NELL1: variants seen among roughly 807,000 people sequenced by gnomAD.
The protein encoded by NELL1 is protein kinase C-binding protein NELL1.
Under a neutral mutation model 107.4 loss-of-function variants are expected in NELL1, and 76 were observed. The ratio of observed to expected loss-of-function variants is 0.71; its 90% CI spans 0.59 to 0.86. The LOEUF is 0.86. Among genes scored for constraint, NELL1 ranks in the 40% least tolerant of loss-of-function variants. NELL1 has a pLI of 0.00. For synonymous variants in NELL1, 353 were observed against 341.2 expected (o/e 1.03, Z -0.38); for missense variants, 1,024 against 1,005.5 (o/e 1.02, Z -0.25).
chr11:21,462,993 G>T (rs947550354), intron 15 of NELL1, among the ~76,000 whole-genome samples: 6 of 152,004 alleles, frequency 3.9e-5, no homozygotes, highest in African/African-American at 2.4e-5. Flanking sequence ...GGCCAGGAAA[G>T]CATCGTAGTT....
At chr11:20,855,918 G>C (rs534619318) in intron 4 of NELL1, among the ~76,000 whole-genome samples, 1 of 152,340 alleles carries the variant, frequency 6.6e-6, no homozygotes, top group South Asian at 2.1e-4. Flanking sequence ...CAGTGCATTA[G>C]TTTTCCAGAT....
intron 15 of NELL1, among the ~76,000 whole-genome samples, chr11:21,518,646 C>T (rs1005332509): frequency 1.3e-5 from 2 of 152,114 alleles, no homozygotes; most frequent in Admixed American, 6.5e-5. Flanking sequence ...AGAAGTGAAA[C>T]GTAGTCCCTT....
At chr11:21,132,702 C>T (rs1280608452) in intron 13 of NELL1, among the ~76,000 whole-genome samples, 1 of 151,994 alleles carries the variant, frequency 6.6e-6, no homozygotes, top group East Asian at 1.9e-4. Context: ...ACAGCCCTGG[C>T]TCGGGGAGCC....
chr11:20,987,279 C>T (rs1490516344), intron 12 of NELL1, among the ~76,000 whole-genome samples: 3 of 152,180 alleles, frequency 2.0e-5, no homozygotes, highest in African/African-American at 4.8e-5. Flanking sequence ...AAAACCTACA[C>T]ATCATGGGCT....
intron 12 of NELL1, among the ~76,000 whole-genome samples, chr11:21,061,357 C>T (rs1356696445): frequency 6.6e-6 from 1 of 152,064 alleles, no homozygotes; most frequent in African/African-American, 2.4e-5. Context: ...TTGGCTTTAT[C>T]AAAGAGATCA....
intron 14 of NELL1, among the ~76,000 whole-genome samples, chr11:21,244,560 A>T (rs937093960): frequency 2.6e-5 from 4 of 152,144 alleles, no homozygotes; most frequent in Non-Finnish European, 5.9e-5. Context: ...ATCCCCAAAC[A>T]TTATAAATTT....
intron 2 of NELL1, among the ~76,000 whole-genome samples, chr11:20,705,132 T>G (rs993247240): frequency 1.3e-5 from 2 of 152,130 alleles, no homozygotes; most frequent in African/African-American, 4.8e-5. Context: ...AAGCTACCAA[T>G]GGCTTTCTTC....
At chr11:21,214,047 G>A (rs901077026) in intron 13 of NELL1, among the ~76,000 whole-genome samples, 2 of 152,132 alleles carry the variant, frequency 1.3e-5, no homozygotes, top group African/African-American at 4.8e-5. Context: ...TGCAGGCTGT[G>A]AGAAAATATT....
chr11:21,106,711 A>G (rs1407175603), intron 12 of NELL1, among the ~76,000 whole-genome samples: 1 of 152,124 alleles, frequency 6.6e-6, no homozygotes, highest in Non-Finnish European at 1.5e-5. Flanking sequence ...GTTTGCATAT[A>G]TATTTTTTTA....
chr11:21,348,788 G>A (rs1206261764), intron 14 of NELL1, among the ~76,000 whole-genome samples: 2 of 152,112 alleles, frequency 1.3e-5, no homozygotes, highest in Non-Finnish European at 2.9e-5. Flanking sequence ...TTGATAAATG[G>A]GGAAGGAATT....
intron 2 of NELL1, among the ~76,000 whole-genome samples, chr11:20,681,121 G>C (rs930138193): frequency 2.9e-4 from 44 of 152,246 alleles, no homozygotes; most frequent in African/African-American, 9.4e-4. Flanking sequence ...CTCTAGAGCA[G>C]GCTTTCCTGA....
intron 12 of NELL1, among the ~76,000 whole-genome samples, chr11:20,976,300 A>C (rs1851634207): frequency 6.6e-6 from 1 of 151,970 alleles, no homozygotes; most frequent in African/African-American, 2.4e-5. Context: ...TTCAGTATAG[A>C]CAATGAATGC....
At chr11:21,529,118 C>T (rs1855932397) in intron 15 of NELL1, among the ~76,000 whole-genome samples, 1 of 152,058 alleles carries the variant, frequency 6.6e-6, no homozygotes, top group Non-Finnish European at 1.5e-5. Flanking sequence ...ATGACAGTTT[C>T]AGGTCTGTGG....
chr11:20,737,569 C>T (rs1002014881), intron 2 of NELL1, among the ~76,000 whole-genome samples: 2 of 151,798 alleles, frequency 1.3e-5, no homozygotes, highest in African/African-American at 4.8e-5. Flanking sequence ...TAGTGTGTAC[C>T]TCATAGTACT....
At chr11:20,927,564 A>G in intron 8 of NELL1, 122 bp downstream of exon 8, 1 of 860,914 alleles carries the variant, frequency 1.2e-6, no homozygotes, top group East Asian at 2.8e-5. Flanking sequence ...GTTTTTACCT[A>G]GCACCCACTA....
In NELL1 at chr11:21,276,433, T is replaced by G. The variant is rs367921462; in HGVS notation, c.1549+46979T>G. ...AAATGGAAGAACATTCCATGCTCAT[T>G]GGTAGGAAGAATCAATATCGTGAAA... On this transcript the variant is annotated intron_variant, in intron 14 of 19. Coordinates refer to ENST00000357134, the MANE Select transcript of NELL1 (RefSeq NM_006157.5). 3.4e-3 allele frequency among the ~76,000 whole-genome samples: 523 copies of G among 152,256 alleles called. 2 individuals carry two copies. The highest frequency in any genetic ancestry group is 0.012 in the African/African-American group (498 of 41,548).
intron 14 of NELL1, among the ~76,000 whole-genome samples, chr11:21,232,683 T>C (rs1858094574): frequency 6.6e-6 from 1 of 152,220 alleles, no homozygotes; most frequent in Admixed American, 6.5e-5. Context: ...AGACAGGGTC[T>C]TGCTCTGTCA....
chr11:21,166,097 C>A (rs56956221), intron 13 of NELL1, among the ~76,000 whole-genome samples: 6,999 of 151,598 alleles, frequency 0.046, 234 homozygotes, highest in South Asian at 0.12. Flanking sequence ...AGCTGGAGGT[C>A]ATTATGTTAA....
chr11:21,392,423 T>C (rs1428138897), intron 15 of NELL1, among the ~76,000 whole-genome samples: 3 of 151,844 alleles, frequency 2.0e-5, no homozygotes, highest in African/African-American at 7.2e-5. Flanking sequence ...TGAGTTATCA[T>C]TCATCCACCT....
Sources: gnomAD v4.1 joint callset for allele counts (sites outside exome capture counted in the v4.1 genomes callset) on GRCh38, gnomAD v4.1.1 for gene constraint, MANE v1.5 for transcripts, NCBI Gene and HGNC (gene_info 2026-07-23, HGNC 2026-07-21) for gene names.